Variants in SLC30A6 observed in about 807,000 individuals in gnomAD.
SLC30A6 encodes the protein zinc transporter 6.
A neutral mutation model predicts 63.0 loss-of-function variants in SLC30A6; 55 were observed. The observed-to-expected ratio is 0.87, with a 90% CI of 0.70 to 1.09. The LOEUF (loss-of-function observed/expected upper bound fraction) is 1.09. Among genes scored for constraint, SLC30A6 ranks in the 50% least tolerant of loss-of-function variants. The pLI, the probability that SLC30A6 is intolerant of heterozygous loss-of-function variation, is 0.00. For missense variants in SLC30A6, 587 were observed against 549.2 expected (o/e 1.07, Z -0.69); for synonymous variants, 224 against 186.1 (o/e 1.20, Z -1.66).
At chr2:32,199,768 C>G (rs1684105596) in intron 10 of SLC30A6, among the ~76,000 whole-genome samples, 1 of 152,190 alleles carries the variant, frequency 6.6e-6, no homozygotes, top group Non-Finnish European at 1.5e-5. Flanking sequence ...TCTCTCACCA[C>G]TCCCCAAGCC....
At chr2:32,174,547 G>GTT (rs1169226985) in intron 3 of SLC30A6, among the ~76,000 whole-genome samples, 1 of 85,782 alleles carries the variant, frequency 1.2e-5, no homozygotes, top group African/African-American at 4.6e-5. Flanking sequence ...TCTATCTGGA[G>GTT]ATTTTTTTTT....
intron 10 of SLC30A6, chr2:32,201,638 G>A: frequency 6.6e-7 from 1 of 1,516,528 alleles, no homozygotes; most frequent in South Asian, 1.2e-5. Flanking sequence ...TTATGGAACT[G>A]GAAGCACCCT....
intron 13 of SLC30A6, among the ~76,000 whole-genome samples, chr2:32,218,952 TTC>T (rs1217072858): frequency 6.6e-6 from 1 of 152,246 alleles, no homozygotes; most frequent in Non-Finnish European, 1.5e-5. Context: ...GATTATTTAT[TTC>T]TGTTAGGTTG....
At chr2:32,205,587 C>A (rs1435191902) in intron 11 of SLC30A6, among the ~76,000 whole-genome samples, 1 of 150,012 alleles carries the variant, frequency 6.7e-6, no homozygotes, top group African/African-American at 2.5e-5. Context: ...AGTCACAAAT[C>A]TTCCTATATT....
At chr2:32,205,210 G>A (rs1684645445) in intron 11 of SLC30A6, among the ~76,000 whole-genome samples, 1 of 152,124 alleles carries the variant, frequency 6.6e-6, no homozygotes, top group Admixed American at 6.5e-5. Flanking sequence ...CACAATGTCA[G>A]TAGTTCGAGA....
At chr2:32,203,889 G>A in intron 10 of SLC30A6, 1 of 963,600 alleles carries the variant, frequency 1.0e-6, no homozygotes, top group South Asian at 1.3e-5. Context: ...CTGGCAGCCG[G>A]TCAGTTAGAC....
Position 32,184,297 on chromosome 2 carries a change from C to G in SLC30A6, c.243C>G (p.Tyr81Ter). The change falls in exon 5 of 14, where the codon TAC (tyrosine) becomes TAG (stop). Residue 81 changes from tyrosine (Y) to a stop codon, truncating the protein, a stop_gained. Transcript: ENST00000282587. LOFTEE classifies it high-confidence loss of function. ...GTTTAATGACATGTTTAATAAGTTACTGGGTAACATTGAGGAAACCTAGCC... is the reference window on the plus strand; with the variant it reads ...GTTTAATGACATGTTTAATAAGTTAGTGGGTAACATTGAGGAAACCTAGCC... ...LFSLMTCLIS[Y>*]WVTLRKPSPV... 6 of 1,548,940 alleles carry G rather than the reference C, an allele frequency of 3.9e-6. No homozygotes were observed. The highest frequency in any genetic ancestry group is 4.4e-6 in the Non-Finnish European group (5 of 1,143,800).
chr2:32,217,893 C>T (rs955236959), intron 13 of SLC30A6, among the ~76,000 whole-genome samples: 8 of 150,946 alleles, frequency 5.3e-5, no homozygotes, highest in East Asian at 1.9e-4. Context: ...CCCAGGCTGG[C>T]GTGCAGTGGT....
chr2:32,192,463 G>C (rs770197626), intron 6 of SLC30A6, 47 bp downstream of exon 6: 4 of 1,537,668 alleles, frequency 2.6e-6, no homozygotes, highest in Non-Finnish European at 3.6e-6. Flanking sequence ...TGACACCTTT[G>C]GGAACATGAA....
At chr2:32,175,243 A>G (rs535817092) in intron 3 of SLC30A6, 76 bp from the exon 4 acceptor site, 2 of 1,411,842 alleles carry the variant, frequency 1.4e-6, no homozygotes, top group South Asian at 1.2e-5. Flanking sequence ...CCCCTGGTAG[A>G]AATAATTTTG....
At chr2:32,210,291 C>A (rs1382619010) in intron 13 of SLC30A6, among the ~76,000 whole-genome samples, 1 of 152,044 alleles carries the variant, frequency 6.6e-6, no homozygotes, top group Non-Finnish European at 1.5e-5. Flanking sequence ...GCGGGCAGAT[C>A]ACCTGAGGTT....
rs3040842 is a variant in SLC30A6 at position 32,189,596 on chromosome 2, C to CT, written c.285-2710dup. The stretch of plus-strand genomic sequence containing the variant: ...ATAAGCATGAGCCACCGCACCCGGC[C>CT]TTTTTTTTTTTTTTTTTTTTTTTTT... On this transcript the variant is annotated intron_variant, in intron 5 of 13. Coordinates refer to ENST00000282587, the MANE Select transcript of SLC30A6 (RefSeq NM_017964.5). Among the ~76,000 whole-genome samples, 503 of 51,926 alleles carry CT rather than the reference C, an allele frequency of 9.7e-3. 87 individuals carry two copies. Among genetic ancestry groups the CT allele is most frequent in the Middle Eastern group, 0.016 (1 of 62 alleles). 34.1% of individuals were successfully genotyped at this position (51,926 alleles called of 152,430 possible).
chr2:32,204,421 C>G (rs1267435998), intron 10 of SLC30A6, among the ~76,000 whole-genome samples, 169 bp from the exon 11 acceptor site: 4 of 152,048 alleles, frequency 2.6e-5, no homozygotes, highest in African/African-American at 9.7e-5. Context: ...ATTCTAAAAA[C>G]TGGAGTATTT....
In SLC30A6 at chr2:32,192,953, C is replaced by G; in HGVS notation, c.401C>G (p.Thr134Arg). ...ERFLEQPEIH[T>R]GRLLVGTFVA... The stretch of plus-strand genomic sequence containing the variant: ...TTTTTGGAACAGCCCGAGATACACA[C>G]GTGAGATTTTATTTTCAATATATAA... Residue 134 changes from threonine to arginine, a missense_variant and splice_region_variant, in exon 7 of 14, where the codon ACG becomes AGG. Transcript: ENST00000282587. 1 of 1,506,774 alleles carries G rather than the reference C, an allele frequency of 6.6e-7. No individual in the cohort carries two copies. Among genetic ancestry groups the G allele is most frequent in the South Asian group, 1.3e-5 (1 of 76,898 alleles). The allele number at this position is 1,506,774 out of a possible 1,614,324, so 93.3% of individuals were successfully genotyped here.
chr2:32,190,186 C>CG (rs1252264518), intron 5 of SLC30A6, among the ~76,000 whole-genome samples: 1 of 152,022 alleles, frequency 6.6e-6, no homozygotes, highest in Non-Finnish European at 1.5e-5. Flanking sequence ...AGGCCGGGCG[C>CG]GGTGGCTCAC....
chr2:32,198,067 C>G (rs1683955927), intron 10 of SLC30A6, among the ~76,000 whole-genome samples: 1 of 152,110 alleles, frequency 6.6e-6, no homozygotes, highest in Admixed American at 6.6e-5. Context: ...TACTGCTGAC[C>G]TGATGAGTGA....
intron 13 of SLC30A6, 36 bp downstream of exon 13, chr2:32,209,597 A>C (rs1685078968): frequency 1.3e-6 from 2 of 1,492,590 alleles, no homozygotes; most frequent in Non-Finnish European, 1.8e-6. Flanking sequence ...GTTATAATTT[A>C]AAATATAGTC....
chr2:32,213,302 C>CT (rs5830222), intron 13 of SLC30A6, among the ~76,000 whole-genome samples: 62 of 113,716 alleles, frequency 5.5e-4, no homozygotes, highest in South Asian at 1.7e-3. Context: ...TGATATGGAG[C>CT]TTTTTTTTTT....
intron 8 of SLC30A6, among the ~76,000 whole-genome samples, chr2:32,195,582 C>T (rs1284628250): frequency 1.3e-5 from 2 of 151,162 alleles, no homozygotes; most frequent in African/African-American, 2.4e-5. Flanking sequence ...ATAAATTCCC[C>T]GAGAAGGAAT....
Sources: gnomAD v4.1 joint callset for allele counts (sites outside exome capture counted in the v4.1 genomes callset) on GRCh38, gnomAD v4.1.1 for gene constraint, MANE v1.5 for transcripts, NCBI Gene and HGNC (gene_info 2026-07-23, HGNC 2026-07-21) for gene names.